The following TG variants were observed in gnomAD, a reference collection of about 807,000 sequenced individuals.
The protein encoded by TG is thyroglobulin.
In TG, 270 loss-of-function variants were observed where a neutral mutation model predicts 324.7. The ratio of observed to expected loss-of-function variants is 0.83; its 90% confidence interval spans 0.75 to 0.92. The LOEUF is 0.92. Among genes scored for constraint, TG ranks in the 40% least tolerant of loss-of-function variants. The pLI, the probability that TG is intolerant of heterozygous loss-of-function variation, is 0.00. For synonymous variants in TG, 1,401 were observed against 1,327.0 expected (o/e 1.06, Z -1.21); for missense variants, 3,591 against 3,456.4 (o/e 1.04, Z -0.98).
At chr8:132,935,336 G>T (rs1213553236) in intron 24 of TG, among the ~76,000 whole-genome samples, 3 of 151,792 alleles carry the variant, frequency 2.0e-5, no homozygotes, top group Non-Finnish European at 4.4e-5. Context: ...CAGAGATGGG[G>T]TCTCAACATG....
intron 43 of TG, among the ~76,000 whole-genome samples, chr8:133,110,860 A>G (rs1850194977): frequency 6.6e-6 from 1 of 152,156 alleles, no homozygotes. Context: ...GAGACTTCCT[A>G]GCTCTTCTTA....
intron 22 of TG, among the ~76,000 whole-genome samples, chr8:132,923,907 CT>C (rs1821456295): frequency 6.6e-6 from 1 of 152,108 alleles, no homozygotes; most frequent in Admixed American, 6.6e-5. Flanking sequence ...AGTCCCCAAC[CT>C]TTTTGGCATC....
At chr8:132,937,482 A>G in intron 25 of TG, among the ~76,000 whole-genome samples, 1 of 152,062 alleles carries the variant, frequency 6.6e-6, no homozygotes, top group East Asian at 1.9e-4. Context: ...GCTCTCTCTA[A>G]TCTATGACCA....
intron 43 of TG, among the ~76,000 whole-genome samples, chr8:133,105,247 A>G (rs1037441645): frequency 6.6e-6 from 1 of 152,132 alleles, no homozygotes; most frequent in African/African-American, 2.4e-5. Flanking sequence ...TCTGTGTACA[A>G]ACCATTCCTC....
Position 132,972,588 on chromosome 8 carries a change from TCCA to T in TG, c.6056-7_6056-5del. On this transcript the variant is annotated splice_polypyrimidine_tract_variant and splice_region_variant and intron_variant, in intron 33 of 47. Coordinates refer to ENST00000220616, the MANE Select transcript of TG (RefSeq NM_003235.5). ...ATTGTGGTTTTTTGTTTTTTTTTTTTCCACCCCAGGAGGAGAGGTGACATGTCT... is the reference window on the plus strand; with the variant it reads ...ATTGTGGTTTTTTGTTTTTTTTTTTTCCCCAGGAGGAGAGGTGACATGTCT... 2 of 1,609,022 alleles carry T rather than the reference TCCA, an allele frequency of 1.2e-6. No homozygotes were observed. The highest frequency in any genetic ancestry group is 1.7e-5 in the Admixed American group (1 of 59,562).
chr8:132,964,094 C>G (rs753860272), intron 29 of TG, among the ~76,000 whole-genome samples: 2 of 151,970 alleles, frequency 1.3e-5, no homozygotes, highest in African/African-American at 2.4e-5. Context: ...TCAACCTCGG[C>G]AGTGCCTTTG....
At chr8:132,939,230 TATTGAGC>T (rs1375583659) in intron 25 of TG, among the ~76,000 whole-genome samples, 1 of 152,128 alleles carries the variant, frequency 6.6e-6, no homozygotes, top group African/African-American at 2.4e-5. Context: ...TACTCATGAC[TATTGAGC>T]ATTTGGAAGG....
At chr8:132,970,228 T>C (rs1829313775) in intron 32 of TG, among the ~76,000 whole-genome samples, 1 of 152,134 alleles carries the variant, frequency 6.6e-6, no homozygotes, top group Non-Finnish European at 1.5e-5. Context: ...TTAAAATTTA[T>C]TTTATGATTG....
At chr8:133,130,979 C>T (rs1309503878) in intron 45 of TG, among the ~76,000 whole-genome samples, 1 of 152,290 alleles carries the variant, frequency 6.6e-6, no homozygotes. Flanking sequence ...CTGTCGCCAC[C>T]GCAGAGGGAG....
chr8:133,093,904 T>C (rs1387583123), intron 41 of TG, among the ~76,000 whole-genome samples: 1 of 152,154 alleles, frequency 6.6e-6, no homozygotes, highest in Non-Finnish European at 1.5e-5. Flanking sequence ...TGAGCTGAAA[T>C]AGGGAACCTC....
chr8:133,044,858 A>G, intron 41 of TG: 1 of 887,046 alleles, frequency 1.1e-6, no homozygotes, highest in South Asian at 1.5e-5. Flanking sequence ...TTAACGAGAG[A>G]GCATATCATG....
intron 23 of TG, among the ~76,000 whole-genome samples, chr8:132,932,548 C>T (rs1822873571): frequency 6.6e-6 from 1 of 152,184 alleles, no homozygotes; most frequent in Non-Finnish European, 1.5e-5. Context: ...TGTGAAAGTG[C>T]TTTGTAATGA....
intron 25 of TG, among the ~76,000 whole-genome samples, chr8:132,937,347 C>T (rs564301828): frequency 2.6e-5 from 4 of 152,308 alleles, no homozygotes; most frequent in South Asian, 4.1e-4. Context: ...ACCTTGGTAG[C>T]AATTGCGAGC....
In TG at chr8:132,873,099, C is replaced by G; in HGVS notation, c.516C>G (p.Leu172=). The G allele has an allele frequency of 1.2e-6, 2 of 1,614,114 alleles. No individual in the cohort carries two copies. Among genetic ancestry groups the G allele is most frequent in the South Asian group, 2.2e-5 (2 of 91,076 alleles). The change falls in exon 5 of 48, where the codon CTC becomes CTG. Residue 172 remains leucine, a synonymous_variant. Coordinates refer to ENST00000220616, the MANE Select transcript of TG (RefSeq NM_003235.5). ...RSCEIRNRRL[L]HGVGDKSPPQ... is the part of the protein sequence containing the mutation. ...GTGAAATAAGAAATCGTCGTCTTCT[C>G]CACGGGGTGGGAGATAAGTCACCAC...
chr8:132,961,009 T>A lies in TG; in HGVS notation c.5403T>A (p.Ser1801Arg), dbSNP rs1281900826. The A allele has an allele frequency of 6.2e-7, 1 of 1,613,962 alleles. No homozygotes were observed. The highest frequency in any genetic ancestry group is 1.1e-5 in the South Asian group (1 of 91,068). ...LRLGDQEFIK[S>R]LTPLEGTQDT... ...AAAAATAAACATCTTCCTTTGCAGG[T>A]CTGACACCCTTAGAAGGAACTCAAG... Residue 1801 changes from serine to arginine, a missense_variant and splice_region_variant, in exon 28 of 48, where the codon AGT (serine) becomes AGA (arginine). By Grantham distance (110) the Ser-to-Arg change is moderately radical (BLOSUM62 -1). Transcript: ENST00000220616.
chr8:133,130,852 C>T (rs533006650), intron 45 of TG, among the ~76,000 whole-genome samples: 2 of 151,704 alleles, frequency 1.3e-5, no homozygotes, highest in African/African-American at 2.4e-5. Flanking sequence ...GGCTGTTGAA[C>T]CTTTCATCCC....
At chr8:133,113,767 G>A (rs1247044164) in intron 44 of TG, 164 bp downstream of exon 44, 2 of 823,890 alleles carry the variant, frequency 2.4e-6, no homozygotes, top group Non-Finnish European at 1.9e-6. Context: ...CCCTGCTGAG[G>A]GGAAGCCCTG....
At position 132,901,546 on chromosome 8, in the gene TG, C is replaced by T; in HGVS notation, c.3627C>T (p.Ala1209=). ...CGCGCGTGACCGGGGGCCAGCCCGC[C>T]TGTGAGAGTAAGTCATGACCCCCTG... ...PGTRVTGGQP[A]CESPRCPLPF... The change falls in exon 16 of 48, where the codon GCC becomes GCT. Residue 1209 remains alanine, a synonymous_variant. Coordinates refer to ENST00000220616, the MANE Select transcript of TG (RefSeq NM_003235.5). 1 of 1,612,998 alleles carries T rather than the reference C, an allele frequency of 6.2e-7. No homozygotes were observed. The highest frequency in any genetic ancestry group is 8.5e-7 in the Non-Finnish European group (1 of 1,179,828).
intron 34 of TG, among the ~76,000 whole-genome samples, chr8:132,975,913 C>T (rs191840851): frequency 2.0e-5 from 3 of 152,294 alleles, no homozygotes; most frequent in Non-Finnish European, 2.9e-5. Flanking sequence ...ATAAATACAA[C>T]ATTCTTGTGC....
Sources: gnomAD v4.1 joint callset for allele counts (sites outside exome capture counted in the v4.1 genomes callset) on GRCh38, gnomAD v4.1.1 for gene constraint, MANE v1.5 for transcripts, NCBI Gene and HGNC (gene_info 2026-07-23, HGNC 2026-07-21) for gene names.